Variants in RHOBTB3 observed in about 807,000 individuals in gnomAD.
RHOBTB3 encodes rho-related BTB domain-containing protein 3.
Under a neutral mutation model 67.2 loss-of-function variants are expected in RHOBTB3, and 47 were observed. The ratio of observed to expected loss-of-function variants is 0.70; its 90% CI spans 0.55 to 0.89. The LOEUF (loss-of-function observed/expected upper bound fraction) is 0.89, where lower values mean the gene tolerates loss of function less well. RHOBTB3 is among the 40% of genes least tolerant of loss of function. RHOBTB3 has a pLI of 0.00. For synonymous variants in RHOBTB3, 273 were observed against 274.2 expected (o/e 1.00, Z 0.04); for missense variants, 631 against 750.0 (o/e 0.84, Z 1.85).
chr5:95,763,547 A>G lies in RHOBTB3; in HGVS notation c.1088A>G (p.Lys363Arg). ...GAAGAATTGGAAGAAGATATCAGGA[A>G]GAAGTTGAAAGATTCTGGGGATGTT... ...QWEELEEDIR[K>R]KLKDSGDVSN... The change falls in exon 7 of 12, where the codon AAG becomes AGG. Residue 363 changes from lysine (K) to arginine (R), a missense_variant. Transcript: ENST00000379982. 1 of 1,612,852 alleles carries G rather than the reference A, an allele frequency of 6.2e-7. No homozygotes were observed. The highest frequency in any genetic ancestry group is 1.1e-5 in the South Asian group (1 of 90,880).
intron 1 of RHOBTB3, among the ~76,000 whole-genome samples, chr5:95,723,904 C>T (rs1406800612): frequency 6.6e-6 from 1 of 152,170 alleles, no homozygotes; most frequent in Middle Eastern, 3.2e-3. Flanking sequence ...AATGTGAGCA[C>T]ACTCCCAAGG....
intron 10 of RHOBTB3, among the ~76,000 whole-genome samples, chr5:95,787,910 T>C (rs1377563392): frequency 2.0e-5 from 3 of 152,250 alleles, no homozygotes; most frequent in Non-Finnish European, 4.4e-5. Flanking sequence ...AGAAAAGGCC[T>C]GGAAATGGAT....
At chr5:95,758,138 GC>G (rs1176603766) in intron 6 of RHOBTB3, among the ~76,000 whole-genome samples, 3 of 152,116 alleles carry the variant, frequency 2.0e-5, no homozygotes, top group African/African-American at 7.2e-5. Context: ...TAACATAGTA[GC>G]AGTAAAATAG....
chr5:95,789,203 A>G (rs1197045865), intron 11 of RHOBTB3: 3 of 221,160 alleles, frequency 1.4e-5, no homozygotes, highest in Non-Finnish European at 2.6e-5. Flanking sequence ...CTAAGTCAGC[A>G]GCAAAGTTTA....
intron 6 of RHOBTB3, among the ~76,000 whole-genome samples, chr5:95,761,730 A>G (rs1423370978): frequency 1.3e-5 from 2 of 152,182 alleles, no homozygotes; most frequent in African/African-American, 4.8e-5. Flanking sequence ...GGTATTTTAT[A>G]AAAGATCTCA....
intron 8 of RHOBTB3, among the ~76,000 whole-genome samples, chr5:95,778,067 T>C (rs1745941406): frequency 6.6e-6 from 1 of 150,964 alleles, no homozygotes; most frequent in Non-Finnish European, 1.5e-5. Flanking sequence ...TTGTGGTGAG[T>C]GAGACTGTGC....
chr5:95,775,643 G>C (rs888663382), intron 8 of RHOBTB3, among the ~76,000 whole-genome samples: 17 of 151,766 alleles, frequency 1.1e-4, no homozygotes, highest in African/African-American at 4.1e-4. Context: ...CTATGGTTTT[G>C]AATTGTAGCT....
At chr5:95,762,051 T>C (rs769207805) in intron 6 of RHOBTB3, among the ~76,000 whole-genome samples, 13 of 152,306 alleles carry the variant, frequency 8.5e-5, no homozygotes, top group Admixed American at 2.0e-4. Flanking sequence ...TAAAAAGAGC[T>C]AGCAAAGGCA....
At chr5:95,781,127 T>C (rs1246194129) in intron 9 of RHOBTB3, among the ~76,000 whole-genome samples, 11 of 152,050 alleles carry the variant, frequency 7.2e-5, no homozygotes, top group Non-Finnish European at 1.5e-4. Flanking sequence ...CTTGAAGAAA[T>C]AGCAAAATTT....
chr5:95,777,277 A>G (rs2112825860), intron 8 of RHOBTB3, among the ~76,000 whole-genome samples: 1 of 152,344 alleles, frequency 6.6e-6, no homozygotes, highest in African/African-American at 2.4e-5. Flanking sequence ...GAAACCAAAA[A>G]CAGTTCTAAA....
chr5:95,783,889 C>G lies in RHOBTB3; in HGVS notation c.1549C>G (p.Gln517Glu). ...CATCTGTGAGCTGTTCATCATTACC[C>G]AGCTGCAGAGCATGCCAAGCAGGGA... ...QHICELFIITQLQSMPSRELA... is the reference protein window; with the variant it reads ...QHICELFIITELQSMPSRELA... The change falls in exon 10 of 12, where the codon CAG becomes GAG. Residue 517 changes from glutamine (Q) to glutamate (E), a missense_variant. Coordinates refer to ENST00000379982, the MANE Select transcript of RHOBTB3 (RefSeq NM_014899.4). 1 of 1,613,984 alleles carries G rather than the reference C, an allele frequency of 6.2e-7. No homozygotes were observed. The highest frequency in any genetic ancestry group is 1.1e-5 in the South Asian group (1 of 91,066).
At chr5:95,765,172 C>T (rs181414009) in intron 7 of RHOBTB3, among the ~76,000 whole-genome samples, 89 of 152,224 alleles carry the variant, frequency 5.8e-4, no homozygotes, top group Middle Eastern at 3.4e-3. Context: ...CTCTCCCTCT[C>T]TCTCCAGTTC....
chr5:95,766,432 A>G lies in RHOBTB3; in HGVS notation c.1162-1614A>G, dbSNP rs182631943. On this transcript the variant is annotated intron_variant, in intron 7 of 11. Transcript: ENST00000379982. ...AATATGATATTTCAATAAAAATCAT[A>G]ACTAAGTCTTTCCAAATTAGGGAAC... Among the ~76,000 whole-genome samples, 27 of 152,172 alleles carry G rather than the reference A, an allele frequency of 1.8e-4. No individual in the cohort carries two copies. In the East Asian group the frequency reaches 3.9e-3, roughly 22 times the overall value.
rs554553633 is a variant in RHOBTB3, at chr5:95,731,520, G to T, written c.-163G>T. 12 of 1,262,220 alleles carry T rather than the reference G, an allele frequency of 9.5e-6. No homozygotes were observed. In the South Asian group the frequency reaches 3.2e-4, roughly 33 times the overall value. The allele number at this position is 1,262,220 out of a possible 1,614,324, so 78.2% of individuals were successfully genotyped here. On this transcript the variant is annotated 5_prime_UTR_variant, in exon 1 of 12. Coordinates refer to ENST00000379982, the MANE Select transcript of RHOBTB3 (RefSeq NM_014899.4). The stretch of plus-strand genomic sequence containing the variant: ...CCCCGGCTCGCTCGCTGGCTGGCGC[G>T]GCCCCGGCCCCGCTCTGCGTCGGCC...
chr5:95,777,192 A>G (rs1030168863), intron 8 of RHOBTB3, among the ~76,000 whole-genome samples: 1 of 152,234 alleles, frequency 6.6e-6, no homozygotes, highest in Admixed American at 6.5e-5. Context: ...AGAAAATTAC[A>G]TTCCCTTCTG....
rs113775171 is a variant in RHOBTB3 at position 95,748,582 on chromosome 5, A to G, written c.570+95A>G. ...CAGTTAGAACTTCAGCTTTAAAAGC[A>G]TGGTTTGTCTTACTTAACCTTGAGA... On this transcript the variant is annotated intron_variant, in intron 4 of 11. Coordinates refer to ENST00000379982, the MANE Select transcript of RHOBTB3 (RefSeq NM_014899.4). 5,411 of 871,110 alleles carry G rather than the reference A, an allele frequency of 6.2e-3. 140 individuals are homozygous for G. In the African/African-American group the frequency reaches 0.063, roughly 10 times the overall value. The allele number at this position is 871,110 out of a possible 1,614,324, so 54.0% of individuals were successfully genotyped here.
At chr5:95,755,954 ACTTGCCTCAT>A in intron 6 of RHOBTB3, 193 bp downstream of exon 6, 1 of 541,848 alleles carries the variant, frequency 1.8e-6, no homozygotes, top group Non-Finnish European at 3.2e-6. Flanking sequence ...TTACAAATGT[ACTTGCCTCAT>A]CTTTTCCCTA....
intron 4 of RHOBTB3, 131 bp downstream of exon 4, chr5:95,748,618 G>C (rs1744999570): frequency 1.9e-6 from 1 of 537,438 alleles, no homozygotes. Context: ...AATAAAATGA[G>C]AGTGAGTGGC....
intron 6 of RHOBTB3, among the ~76,000 whole-genome samples, chr5:95,758,615 C>T (rs1230357352): frequency 3.3e-5 from 5 of 152,208 alleles, no homozygotes; most frequent in African/African-American, 4.8e-5. Context: ...GGCATTCAAT[C>T]AGGAGGTCCC....
Sources: gnomAD v4.1 joint callset for allele counts (sites outside exome capture counted in the v4.1 genomes callset) on GRCh38, gnomAD v4.1.1 for gene constraint, MANE v1.5 for transcripts, NCBI Gene and HGNC (gene_info 2026-07-23, HGNC 2026-07-21) for gene names.